The following GLIS3 variants were observed in gnomAD, a reference collection of about 807,000 sequenced individuals.
GLIS3 encodes GLIS family zinc finger 3, also known as zinc finger protein GLIS3.
In GLIS3, 53 loss-of-function variants were observed where a neutral mutation model predicts 78.6. The ratio of observed to expected loss-of-function variants is 0.67; its 90% CI spans 0.54 to 0.85. The LOEUF (loss-of-function observed/expected upper bound fraction) is 0.85. Among genes scored for constraint, GLIS3 ranks in the 40% least tolerant of loss-of-function variants. The pLI is 0.00. For missense variants in GLIS3, 1,703 were observed against 1,231.1 expected, an observed-to-expected ratio of 1.38 and a Z score of -5.74; for synonymous variants, 684 against 509.9, an observed-to-expected ratio of 1.34 and a Z score of -4.60.
chr9:4,105,928 C>T (rs373190706), intron 4 of GLIS3, among the ~76,000 whole-genome samples: 1 of 152,084 alleles, frequency 6.6e-6, no homozygotes, highest in Non-Finnish European at 1.5e-5. Context: ...ATTCACTAGG[C>T]TGCTGGGGGA....
intron 2 of GLIS3, among the ~76,000 whole-genome samples, chr9:4,188,806 G>A (rs1198823043): frequency 3.3e-5 from 5 of 152,232 alleles, no homozygotes; most frequent in Non-Finnish European, 5.9e-5. Flanking sequence ...AGTATTCTCT[G>A]ATGGTAGTCT....
intron 2 of GLIS3, among the ~76,000 whole-genome samples, chr9:4,149,063 C>G (rs781634108): frequency 9.2e-5 from 14 of 152,060 alleles, no homozygotes; most frequent in Non-Finnish European, 2.1e-4. Context: ...GTTTACCTAG[C>G]TATCAACATG....
At position 4,105,562 on chromosome 9, in the gene GLIS3, A is replaced by G. The variant is rs147099122; in HGVS notation, c.1710+12206T>C. 1.4e-3 allele frequency among the ~76,000 whole-genome samples: 217 copies of G among 152,342 alleles called. 2 individuals are homozygous for G. The highest frequency in any genetic ancestry group is 4.9e-3 in the African/African-American group (203 of 41,570). The stretch of plus-strand genomic sequence containing the variant: ...TAAATCATTGACACTGCAAATGGTC[A>G]ATATGTACTCTTAATTTTAAACTAA... On this transcript the variant is annotated intron_variant, in intron 4 of 10. Transcript: ENST00000381971.
the GLIS3 span, among the ~76,000 whole-genome samples, chr9:4,452,942 A>G: frequency 7.0e-4 from 107 of 152,348 alleles, 1 homozygote; most frequent in Non-Finnish European, 2.9e-5. Flanking sequence ...CCAAAACAGC[A>G]TGGTACTGGT....
the GLIS3 span, among the ~76,000 whole-genome samples, chr9:4,433,156 G>C: frequency 2.0e-5 from 3 of 152,190 alleles, no homozygotes; most frequent in African/African-American, 4.8e-5. Flanking sequence ...AAATGGCCAG[G>C]CGCTATGGCC....
intron 2 of GLIS3, among the ~76,000 whole-genome samples, chr9:4,196,194 A>G (rs1326707659): frequency 6.6e-6 from 1 of 152,058 alleles, no homozygotes; most frequent in Non-Finnish European, 1.5e-5. Context: ...TAGCCAGAGG[A>G]TTGTATATGC....
At chr9:4,190,626 G>T (rs1818246347) in intron 2 of GLIS3, among the ~76,000 whole-genome samples, 2 of 151,714 alleles carry the variant, frequency 1.3e-5, no homozygotes, top group Admixed American at 1.3e-4. Flanking sequence ...TTATCCAGGA[G>T]AACTTCCCCA....
At chr9:4,281,470 C>T (rs1415149728) in intron 2 of GLIS3, among the ~76,000 whole-genome samples, 1 of 152,172 alleles carries the variant, frequency 6.6e-6, no homozygotes, top group African/African-American at 2.4e-5. Flanking sequence ...CCAGCAACCA[C>T]CACTCTTTCT....
intron 2 of GLIS3, among the ~76,000 whole-genome samples, chr9:4,155,194 T>C (rs955605529): frequency 4.6e-5 from 7 of 152,204 alleles, no homozygotes; most frequent in Non-Finnish European, 7.4e-5. Flanking sequence ...AAAATAATGC[T>C]CTGAAGAAAA....
chr9:3,828,221 G>C lies in GLIS3; in HGVS notation c.*51C>G. On this transcript the variant is annotated 3_prime_UTR_variant, in exon 11 of 11. Transcript: ENST00000381971. ...GTCTGTGAGAGTACGAAAACAAAAG[G>C]TGGCAAGCAACATCAAGGTCCTGGG... is the stretch of plus-strand genomic sequence containing the variant. 1 of 1,611,526 alleles carries C rather than the reference G, an allele frequency of 6.2e-7. No individual in the cohort carries two copies. The highest frequency in any genetic ancestry group is 8.5e-7 in the Non-Finnish European group (1 of 1,178,412).
intron 4 of GLIS3, among the ~76,000 whole-genome samples, chr9:3,971,129 A>G (rs1193171107): frequency 7.6e-6 from 1 of 131,478 alleles, no homozygotes; most frequent in African/African-American, 2.8e-5. Context: ...GAAGGAAGGA[A>G]GGAAGGAAGG....
intron 2 of GLIS3, among the ~76,000 whole-genome samples, chr9:4,131,891 T>C (rs1464865052): frequency 6.6e-6 from 1 of 152,172 alleles, no homozygotes; most frequent in East Asian, 1.9e-4. Context: ...GATACTATGA[T>C]TGTTACATGC....
intron 2 of GLIS3, among the ~76,000 whole-genome samples, chr9:4,263,250 G>A (rs549249552): frequency 1.1e-4 from 16 of 152,212 alleles, no homozygotes; most frequent in Non-Finnish European, 1.3e-4. Context: ...CTGGGACAGA[G>A]AGGACAGGTG....
the GLIS3 span, among the ~76,000 whole-genome samples, chr9:4,385,250 T>A: frequency 2.2e-3 from 328 of 152,270 alleles, no homozygotes; most frequent in Admixed American, 3.9e-3. Context: ...CAGCTAAAAA[T>A]TTCAAGGATT....
chr9:4,303,563 C>G (rs1310655896), upstream of GLIS3, among the ~76,000 whole-genome samples: 1 of 152,124 alleles, frequency 6.6e-6, no homozygotes, highest in East Asian at 1.9e-4. Flanking sequence ...TTAAAAAATT[C>G]TTATTTACAC....
At chr9:4,371,409 T>C in the GLIS3 span, among the ~76,000 whole-genome samples, 1 of 152,208 alleles carries the variant, frequency 6.6e-6, no homozygotes, top group South Asian at 2.1e-4. Context: ...CTCCTCCCCA[T>C]AAGTGCTAAG....
chr9:4,306,848 T>TA (rs981573862), intron 4 of GLIS3, among the ~76,000 whole-genome samples: 2 of 152,258 alleles, frequency 1.3e-5, no homozygotes, highest in Non-Finnish European at 2.9e-5. Flanking sequence ...CTTGCTGATA[T>TA]AAGCAACAGA....
At chr9:4,396,805 T>G in the GLIS3 span, among the ~76,000 whole-genome samples, 1 of 152,132 alleles carries the variant, frequency 6.6e-6, no homozygotes, top group South Asian at 2.1e-4. Flanking sequence ...TGTTTTAAAA[T>G]TAGTGCCAGT....
chr9:3,843,940 T>C (rs1818881491), intron 9 of GLIS3, among the ~76,000 whole-genome samples: 1 of 152,178 alleles, frequency 6.6e-6, no homozygotes, highest in Non-Finnish European at 1.5e-5. Context: ...TCAATAGACT[T>C]ACATCTTGTA....
Sources: gnomAD v4.1 joint callset for allele counts (sites outside exome capture counted in the v4.1 genomes callset) on GRCh38, gnomAD v4.1.1 for gene constraint, MANE v1.5 for transcripts, NCBI Gene and HGNC (gene_info 2026-07-23, HGNC 2026-07-21) for gene names.